The following COL5A1 variants were observed in gnomAD, a reference collection of about 807,000 sequenced individuals.
COL5A1 encodes collagen type V alpha 1 chain.
Under a neutral mutation model 263.7 loss-of-function variants are expected in COL5A1, and 16 were observed. The observed-to-expected ratio is 0.06, with a 90% CI of 0.04 to 0.09. COL5A1 has a LOEUF of 0.09. COL5A1 is among the 10% of genes least tolerant of loss of function. The pLI is 1.00. For missense variants in COL5A1, 2,036 were observed against 2,540.5 expected, an observed-to-expected ratio of 0.80 and a Z score of 4.27; for synonymous variants, 1,012 against 1,004.5, an observed-to-expected ratio of 1.01 and a Z score of -0.14.
chr9:134,730,030 G>A (rs564875997), intron 6 of COL5A1, among the ~76,000 whole-genome samples: 1 of 152,330 alleles, frequency 6.6e-6, no homozygotes, highest in East Asian at 1.9e-4. Flanking sequence ...GCTTGCAGCT[G>A]GGCTGCCTTC....
chr9:134,746,502 G>A (rs1212209402), intron 11 of COL5A1, among the ~76,000 whole-genome samples: 2 of 152,246 alleles, frequency 1.3e-5, no homozygotes, highest in Non-Finnish European at 2.9e-5. Flanking sequence ...TTCACGTGCT[G>A]AATCTGCAGT....
intron 64 of COL5A1, 140 bp downstream of exon 64, chr9:134,830,184 G>A: frequency 6.2e-7 from 1 of 1,605,998 alleles, no homozygotes; most frequent in South Asian, 1.1e-5. Context: ...CTGGTAAGTG[G>A]CCACCTCGGC....
intron 65 of COL5A1, among the ~76,000 whole-genome samples, chr9:134,840,594 C>T (rs1327208010): frequency 6.6e-6 from 1 of 152,246 alleles, no homozygotes. Context: ...CTGGCTGGCT[C>T]TAGCTCAGGG....
At chr9:134,810,476 C>T in intron 44 of COL5A1, 168 bp downstream of exon 44, 1 of 639,710 alleles carries the variant, frequency 1.6e-6, no homozygotes, top group Non-Finnish European at 2.8e-6. Flanking sequence ...TGTGTGTGCA[C>T]ACGCGTGCAT....
intron 3 of COL5A1, 131 bp from the exon 4 acceptor site, chr9:134,701,040 T>C: frequency 1.1e-6 from 1 of 909,486 alleles, no homozygotes; most frequent in Non-Finnish European, 1.7e-6. Flanking sequence ...GGCTGGGCCT[T>C]GATCTGCTCC....
At chr9:134,780,829 G>C (rs1029658043) in intron 28 of COL5A1, among the ~76,000 whole-genome samples, 1 of 152,240 alleles carries the variant, frequency 6.6e-6, no homozygotes, top group Non-Finnish European at 1.5e-5. Flanking sequence ...CCAAATCCAA[G>C]GCCCAGTTAT....
At chr9:134,731,233 C>T in intron 7 of COL5A1, among the ~76,000 whole-genome samples, 1 of 152,208 alleles carries the variant, frequency 6.6e-6, no homozygotes, top group Non-Finnish European at 1.5e-5. Context: ...GGGTGCAGCC[C>T]CTGCCTGAGC....
chr9:134,674,077 G>C (rs974473471), intron 1 of COL5A1, among the ~76,000 whole-genome samples: 3 of 152,180 alleles, frequency 2.0e-5, no homozygotes, highest in African/African-American at 7.2e-5. Flanking sequence ...GGGATGCAAA[G>C]GGGTGCAACC....
chr9:134,732,538 T>G, intron 9 of COL5A1: 1 of 329,110 alleles, frequency 3.0e-6, no homozygotes. Context: ...TAGGGAATAG[T>G]TAACACGTGG....
chr9:134,842,352 C>T lies in COL5A1; in HGVS notation c.*49C>T. 2 of 1,608,510 alleles carry T rather than the reference C, an allele frequency of 1.2e-6. No homozygotes were observed. The highest frequency in any genetic ancestry group is 1.7e-6 in the Non-Finnish European group (2 of 1,177,402). On this transcript the variant is annotated 3_prime_UTR_variant, in exon 66 of 66. Coordinates refer to ENST00000371817, the MANE Select transcript of COL5A1 (RefSeq NM_000093.5). The surrounding 1 kb of genome is among the most constrained non-coding windows in gnomAD (Gnocchi z 5.8). ...AGAGCAACCTCGTGACCTCAGCATG[C>T]CATTCGTTCGTGAGTGTCCCGTGCA...
chr9:134,736,592 A>G (rs1835106632), intron 9 of COL5A1, among the ~76,000 whole-genome samples: 2 of 152,200 alleles, frequency 1.3e-5, no homozygotes, highest in Admixed American at 6.5e-5. Flanking sequence ...ACCCTAGCAC[A>G]TTCTGTCCCA....
intron 57 of COL5A1, among the ~76,000 whole-genome samples, 163 bp from the exon 58 acceptor site, chr9:134,819,953 C>T (rs1276044341): frequency 2.0e-5 from 3 of 152,234 alleles, no homozygotes; most frequent in African/African-American, 4.8e-5. Flanking sequence ...CCTGCCGTTT[C>T]GTCACCTGGC....
chr9:134,789,229 G>A lies in COL5A1; in HGVS notation c.2700+21G>A. ...GCAGGGTAAGGATAGCCTGGCCCCT[G>A]GGCAGGCAGCTTGTTCGGCTGCCTC... is the stretch of plus-strand genomic sequence containing the variant. On this transcript the variant is annotated intron_variant, in intron 32 of 65. Transcript: ENST00000371817. This position sits in a 1 kb window ranked among gnomAD's most constrained non-coding sequence, Gnocchi z 4.8. The A allele has an allele frequency of 1.9e-6, 3 of 1,610,546 alleles. No individual in the cohort carries two copies. The highest frequency in any genetic ancestry group is 2.5e-6 in the Non-Finnish European group (3 of 1,178,348).
chr9:134,715,432 G>A (rs1386646911), intron 4 of COL5A1, among the ~76,000 whole-genome samples: 1 of 152,222 alleles, frequency 6.6e-6, no homozygotes, highest in African/African-American at 2.4e-5. Flanking sequence ...ACTGCAAAGA[G>A]GCCTTCCTCT....
chr9:134,649,400 T>G (rs1279877128), intron 1 of COL5A1: 1 of 426,384 alleles, frequency 2.3e-6, no homozygotes, highest in Admixed American at 3.4e-5. Flanking sequence ...TTCTCAAAAT[T>G]TAATTACTCA....
intron 63 of COL5A1, among the ~76,000 whole-genome samples, chr9:134,827,074 G>A (rs933617209): frequency 4.6e-5 from 7 of 152,180 alleles, no homozygotes; most frequent in Admixed American, 6.5e-5. Flanking sequence ...CAGTTGTCGC[G>A]TGGCCCCAGG....
chr9:134,645,499 G>A (rs936213180), intron 1 of COL5A1, among the ~76,000 whole-genome samples: 4 of 152,248 alleles, frequency 2.6e-5, no homozygotes, highest in African/African-American at 9.6e-5. Context: ...AGCTGCATCT[G>A]GAACAGTGCA....
Position 134,818,214 on chromosome 9 carries a change from G to A in COL5A1, c.4230+383G>A, listed in dbSNP as rs1838839809. Among the ~76,000 whole-genome samples the A allele has an allele frequency of 6.6e-6, 1 of 152,194 alleles. No homozygotes were observed. Among genetic ancestry groups the A allele is most frequent in the Non-Finnish European group, 1.5e-5 (1 of 68,036 alleles). On this transcript the variant is annotated intron_variant, in intron 54 of 65. Transcript: ENST00000371817. The surrounding 1 kb of genome is among the most constrained non-coding windows in gnomAD (Gnocchi z 6.0). ...GTCCGATGGTGACCGTGTCTGCTGC[G>A]GGGCCCGTGCAGAAGATGGGACGCC... is the stretch of plus-strand genomic sequence containing the variant.
At chr9:134,748,718 C>G (rs926509720) in intron 11 of COL5A1, among the ~76,000 whole-genome samples, 1 of 152,242 alleles carries the variant, frequency 6.6e-6, no homozygotes, top group Non-Finnish European at 1.5e-5. Flanking sequence ...TTTGACCCAG[C>G]AGCACTGCTT....
Sources: allele counts gnomAD v4.1 joint callset (sites outside exome capture counted in the v4.1 genomes callset), GRCh38; gene constraint gnomAD v4.1.1; non-coding constraint Gnocchi (gnomAD v3.1); transcripts MANE v1.5; gene names NCBI Gene and HGNC (gene_info 2026-07-23, HGNC 2026-07-21).